PPARG: variants seen among roughly 807,000 people sequenced by gnomAD.
The protein encoded by PPARG is peroxisome proliferator-activated receptor gamma.
Under a neutral mutation model 39.2 loss-of-function variants are expected in PPARG, and 17 were observed. That is an observed-to-expected ratio of 0.43 (90% CI 0.30 to 0.65). The LOEUF is 0.65. Among genes scored for constraint, PPARG ranks in the 30% least tolerant of loss-of-function variants. PPARG has a pLI of 0.13. For synonymous variants in PPARG, 223 were observed against 215.7 expected (o/e 1.03, Z -0.30); for missense variants, 406 against 585.9 (o/e 0.69, Z 3.17).
chr3:12,425,858 T>C (rs1246392740), intron 7 of PPARG, among the ~76,000 whole-genome samples: 2 of 152,176 alleles, frequency 1.3e-5, no homozygotes, highest in Non-Finnish European at 2.9e-5. Flanking sequence ...ACCCAAGGGC[T>C]TTCCGGGGTC....
chr3:12,307,097 CA>C (rs11323214), intron 1 of PPARG, among the ~76,000 whole-genome samples: 29,805 of 83,292 alleles, frequency 0.36, 3,280 homozygotes, highest in Middle Eastern at 0.45. Context: ...GACTCCGTCT[CA>C]AAAAAAAAAA....
At chr3:12,415,011 T>C (rs1173383172) in intron 6 of PPARG, among the ~76,000 whole-genome samples, 1 of 152,220 alleles carries the variant, frequency 6.6e-6, no homozygotes, top group Non-Finnish European at 1.5e-5. Flanking sequence ...ACTTAATCTT[T>C]TGATGAAAAT....
intron 2 of PPARG, among the ~76,000 whole-genome samples, chr3:12,370,431 TAGTCATTCTAAGGTTA>T (rs1340550514): frequency 6.6e-6 from 1 of 152,234 alleles, no homozygotes; most frequent in Non-Finnish European, 1.5e-5. Flanking sequence ...TCCTTGATCT[TAGTCATTCTAAGGTTA>T]AAGAAAAACT....
intron 2 of PPARG, among the ~76,000 whole-genome samples, chr3:12,369,481 G>A (rs1290429981): frequency 6.6e-6 from 1 of 152,078 alleles, no homozygotes; most frequent in Non-Finnish European, 1.5e-5. Flanking sequence ...CACAGAGAGA[G>A]ACCTTGTCTC....
At chr3:12,303,194 A>G (rs2046972774) in intron 1 of PPARG, among the ~76,000 whole-genome samples, 1 of 151,874 alleles carries the variant, frequency 6.6e-6, no homozygotes, top group Non-Finnish European at 1.5e-5. Flanking sequence ...TGACTCCTGT[A>G]GGGCAGTCTT....
chr3:12,367,259 G>A lies in PPARG; in HGVS notation c.-8-12445G>A, dbSNP rs4135315. On this transcript the variant is annotated intron_variant, in intron 2 of 7. Transcript: ENST00000651735. ...TGAATAACTTTCATTCATTCTTCACGTACTAGACAAAGTAGAATTTCAACT... is the reference window on the plus strand; with the variant it reads ...TGAATAACTTTCATTCATTCTTCACATACTAGACAAAGTAGAATTTCAACT... Among the ~76,000 whole-genome samples, 493 of 152,040 alleles carry A rather than the reference G, an allele frequency of 3.2e-3. 2 individuals carry two copies. The highest frequency in any genetic ancestry group is 9.2e-3 in the African/African-American group (380 of 41,458).
chr3:12,289,418 C>T (rs961484686), intron 1 of PPARG, among the ~76,000 whole-genome samples: 1 of 152,114 alleles, frequency 6.6e-6, no homozygotes, highest in African/African-American at 2.4e-5. Context: ...TGTAAATTAT[C>T]ATTTGGATAT....
chr3:12,413,413 T>TA (rs1442267914), intron 6 of PPARG, among the ~76,000 whole-genome samples: 1 of 152,082 alleles, frequency 6.6e-6, no homozygotes, highest in Non-Finnish European at 1.5e-5. Context: ...TATAATCAGA[T>TA]ATGACTAGGG....
intron 7 of PPARG, among the ~76,000 whole-genome samples, chr3:12,429,555 A>T (rs867706466): frequency 7.7e-6 from 1 of 130,354 alleles, no homozygotes; most frequent in Non-Finnish European, 1.6e-5. Flanking sequence ...TCTCTACCAA[A>T]AAAAAAAAAA....
chr3:12,319,556 A>G lies in PPARG; in HGVS notation c.-9+7103A>G, dbSNP rs188362339. Among the ~76,000 whole-genome samples, 10 of 152,330 alleles carry G rather than the reference A, an allele frequency of 6.6e-5. No individual in the cohort carries two copies. The East Asian group carries it at 1.9e-3, about 29-fold the overall frequency. The stretch of plus-strand genomic sequence containing the variant: ...AAATCTGGCATGACTAATAAACCAC[A>G]AAATCTTTCTTGTCACTTTCACTGG... On this transcript the variant is annotated intron_variant, in intron 2 of 7. Transcript: ENST00000651735.
chr3:12,406,506 T>G, intron 6 of PPARG: 1 of 170,804 alleles, frequency 5.9e-6, no homozygotes, highest in Non-Finnish European at 1.3e-5. Flanking sequence ...CTATTTCACC[T>G]TTCAGGAGAA....
chr3:12,359,831 C>T (rs1056670276), intron 2 of PPARG, among the ~76,000 whole-genome samples: 15 of 151,918 alleles, frequency 9.9e-5, no homozygotes, highest in East Asian at 1.9e-4. Flanking sequence ...CCCACCACCA[C>T]GCCTGGCTAA....
At chr3:12,291,456 T>A (rs1449461975) in intron 1 of PPARG, among the ~76,000 whole-genome samples, 1 of 152,206 alleles carries the variant, frequency 6.6e-6, no homozygotes, top group African/African-American at 2.4e-5. Context: ...TTATTTGAAA[T>A]CTTCTTGGAA....
intron 6 of PPARG, among the ~76,000 whole-genome samples, chr3:12,411,770 G>C (rs957890815): frequency 6.6e-6 from 1 of 150,474 alleles, no homozygotes; most frequent in African/African-American, 2.4e-5. Context: ...AGGGAAACGG[G>C]AACAACAGGG....
intron 2 of PPARG, among the ~76,000 whole-genome samples, chr3:12,371,241 T>G (rs1303147856): frequency 6.6e-6 from 1 of 152,134 alleles, no homozygotes; most frequent in Admixed American, 6.6e-5. Context: ...TATGAAGAGA[T>G]ACGAACTTCC....
intron 1 of PPARG, among the ~76,000 whole-genome samples, chr3:12,307,503 A>G (rs1411647678): frequency 1.4e-5 from 2 of 138,384 alleles, no homozygotes; most frequent in African/African-American, 5.5e-5. Context: ...ATGAAAAAGA[A>G]TTAGAGAATG....
At chr3:12,417,783 T>C (rs2051112498) in intron 7 of PPARG, among the ~76,000 whole-genome samples, 1 of 151,990 alleles carries the variant, frequency 6.6e-6, no homozygotes, top group African/African-American at 2.4e-5. Flanking sequence ...AATTTAGTTA[T>C]TTAGCAATTT....
At chr3:12,290,572 A>T (rs753151588) in intron 1 of PPARG, among the ~76,000 whole-genome samples, 11 of 152,162 alleles carry the variant, frequency 7.2e-5, no homozygotes, top group Non-Finnish European at 1.6e-4. Context: ...CTAAATTCCT[A>T]TGACATTTAA....
chr3:12,403,410 C>A (rs997856123), intron 5 of PPARG, among the ~76,000 whole-genome samples: 4 of 151,918 alleles, frequency 2.6e-5, no homozygotes, highest in African/African-American at 9.7e-5. Context: ...AGTGTAGTGG[C>A]TCTATCACGA....
Sources: allele counts gnomAD v4.1 joint callset (sites outside exome capture counted in the v4.1 genomes callset), GRCh38; gene constraint gnomAD v4.1.1; transcripts MANE v1.5; gene names NCBI Gene and HGNC (gene_info 2026-07-23, HGNC 2026-07-21).